The following ACD variants were observed in gnomAD, a reference collection of about 807,000 sequenced individuals.
ACD encodes adrenocortical dysplasia protein homolog.
A neutral mutation model predicts 53.9 loss-of-function variants in ACD; 39 were observed. The observed-to-expected ratio is 0.72, with a 90% CI of 0.56 to 0.95. The LOEUF (loss-of-function observed/expected upper bound fraction) is 0.95. Among genes scored for constraint, ACD ranks in the 40% least tolerant of loss-of-function variants. The probability of loss-of-function intolerance (pLI) is 0.00; values close to 1 mark genes in which losing one functional copy is unlikely to be tolerated. For synonymous variants in ACD, 273 were observed against 249.2 expected (o/e 1.10, Z -0.90); for missense variants, 526 against 587.9 (o/e 0.89, Z 1.09).
At position 67,659,585 on chromosome 16, in the gene ACD, C is replaced by A. The variant is rs778255734; in HGVS notation, c.365G>T (p.Arg122Leu). ...APAEFYLQVD[R>L]FSLLPTEQPR... Reference sequence around the variant, plus strand: ...CTGCTCCGTGGGCAGCAGGCTGAAGCGGTCCACCTGGAGATAGAACTCTGC... The same window carrying A: ...CTGCTCCGTGGGCAGCAGGCTGAAGAGGTCCACCTGGAGATAGAACTCTGC... The change falls in exon 4 of 12, where the codon CGC becomes CTC. Residue 122 changes from arginine (R) to leucine (L), a missense_variant. Transcript: ENST00000620761. 3 of 1,613,484 alleles carry A rather than the reference C, an allele frequency of 1.9e-6. No homozygotes were observed. The highest frequency in any genetic ancestry group is 2.5e-6 in the Non-Finnish European group (3 of 1,179,938).
intron 1 of ACD, 24 bp downstream of exon 1, chr16:67,660,098 T>G: frequency 1.2e-6 from 2 of 1,612,042 alleles, no homozygotes; most frequent in Non-Finnish European, 1.7e-6. Context: ...CGCCTCGGTC[T>G]CCGGGCCCTG....
Position 67,660,024 on chromosome 16 carries a change from C to A in ACD, c.121G>T (p.Ala41Ser), listed in dbSNP as rs1395806409. The change falls in exon 2 of 12, where the codon GCG becomes TCG. Residue 41 changes from alanine (A) to serine (S), a missense_variant. Coordinates refer to ENST00000620761, the MANE Select transcript of ACD (RefSeq NM_001082486.2). ...LLEVLQDAEA[A>S]VAGPSHAPDT... ...GGGGCGTGGGATGGGCCCGCGACCG[C>A]GGCCTCGGCGTCCTGTAGTACCTGA... 1.2e-6 allele frequency: 2 copies of A among 1,606,206 alleles called. No individual in the cohort carries two copies.
At position 67,658,301 on chromosome 16, in the gene ACD, C is replaced by T. The variant is rs1459307216; in HGVS notation, c.891G>A (p.Leu297=). 13 of 1,613,826 alleles carry T rather than the reference C, an allele frequency of 8.1e-6. No homozygotes were observed. Among genetic ancestry groups the T allele is most frequent in the African/African-American group, 2.7e-5 (2 of 75,042 alleles). The change falls in exon 10 of 12, where the codon CTG becomes CTA. Residue 297 remains leucine (L), a synonymous_variant. Transcript: ENST00000620761. The part of the protein sequence containing the change: ...SEESGTSISL[L]PALSLAAPDP... ...CTGGAGCAGCCAAGGACAGGGCAGG[C>T]AGAAGGCTGATGCTGGTACCACTTT...
intron 7 of ACD, 38 bp downstream of exon 7, chr16:67,658,890 C>A (rs144445048): frequency 6.2e-7 from 1 of 1,607,386 alleles, no homozygotes; most frequent in Non-Finnish European, 8.5e-7. Context: ...TGCCCAACTC[C>A]TCACCCTGAC....
chr16:67,659,395 T>C lies in ACD; in HGVS notation c.438A>G (p.Lys146=), dbSNP rs753936561. ...CTCACTCAAGGCAGTCATAGAGCTTTTTCTGAACATCTAAGTCTTGGTTGC... is the reference window on the plus strand; with the variant it reads ...CTCACTCAAGGCAGTCATAGAGCTTCTTCTGAACATCTAAGTCTTGGTTGC... ...PGCNQDLDVQ[K]KLYDCLEEHL... is the part of the protein sequence containing the mutation. The change falls in exon 5 of 12, where the codon AAA becomes AAG. Residue 146 remains lysine (K), a synonymous_variant. Transcript: ENST00000620761. 1.2e-6 allele frequency: 2 copies of C among 1,613,982 alleles called. No individual in the cohort carries two copies. Among genetic ancestry groups the C allele is most frequent in the Non-Finnish European group, 1.7e-6 (2 of 1,180,004 alleles).
Position 67,658,574 on chromosome 16 carries a change from AG to A in ACD, c.809del (p.Pro270LeufsTer57). The stretch of plus-strand genomic sequence containing the variant: ...CCTCACCTGAGGAACTGGGTGAGGA[AG>A]GAGGAGAGGCTATGAGGGTCAGAGA... ...DLSLTLIASPPSSPSSSGTPA... is the reference protein window; with the variant it reads ...DLSLTLIASPXSSPSSSGTPA... On this transcript the variant is annotated frameshift_variant, in exon 9 of 12. Coordinates refer to ENST00000620761, the MANE Select transcript of ACD (RefSeq NM_001082486.2). LOFTEE classifies it high-confidence loss of function. 6.4e-7 allele frequency: 1 copy of A among 1,569,952 alleles called. No individual in the cohort carries two copies. The highest frequency in any genetic ancestry group is 1.8e-5 in the Admixed American group (1 of 55,886).
chr16:67,658,518 G>A, intron 9 of ACD, 37 bp downstream of exon 9: 1 of 1,569,154 alleles, frequency 6.4e-7, no homozygotes, highest in Non-Finnish European at 8.7e-7. Context: ...TGACTGACAG[G>A]CGGCAGTGAG....
At position 67,657,821 on chromosome 16, in the gene ACD, G is replaced by A. The variant is rs755330502; in HGVS notation, c.1239C>T (p.Ala413=). The change falls in exon 11 of 12, where the codon GCC becomes GCT. Residue 413 remains alanine, a synonymous_variant. Transcript: ENST00000620761. This position sits in a 1 kb window ranked among gnomAD's most constrained non-coding sequence, Gnocchi z 4.5. ...AGGGTGGCTCATACTCATACTGGAAGGCAGAACCATCACGATGCCTCTTTG... is the reference window on the plus strand; with the variant it reads ...AGGGTGGCTCATACTCATACTGGAAAGCAGAACCATCACGATGCCTCTTTG... ...EPPKRHRDGS[A]FQYEYEPPCT... is the part of the protein sequence containing the mutation. 1 of 1,614,140 alleles carries A rather than the reference G, an allele frequency of 6.2e-7. No homozygotes were observed. The highest frequency in any genetic ancestry group is 1.1e-5 in the South Asian group (1 of 91,090).
rs2142968964 is a variant in ACD at position 67,658,376 on chromosome 16, G to A, written c.830-14C>T. The A allele has an allele frequency of 6.2e-7, 1 of 1,613,410 alleles. No homozygotes were observed. Among genetic ancestry groups the A allele is most frequent in the Non-Finnish European group, 8.5e-7 (1 of 1,179,872 alleles). ...AGGCCGGGGTTCCTGAGGAGGAGGGGACTTATTGTAGGCACAGCCCTCTCC... is the reference window on the plus strand; with the variant it reads ...AGGCCGGGGTTCCTGAGGAGGAGGGAACTTATTGTAGGCACAGCCCTCTCC... On this transcript the variant is annotated splice_polypyrimidine_tract_variant and intron_variant, in intron 9 of 11. Transcript: ENST00000620761.
At position 67,659,383 on chromosome 16, in the gene ACD, G is replaced by A; in HGVS notation, c.450C>T (p.Asp150=). 1.9e-6 allele frequency: 3 copies of A among 1,614,062 alleles called. No homozygotes were observed. Among genetic ancestry groups the A allele is most frequent in the Non-Finnish European group, 8.5e-7 (1 of 1,180,024 alleles). Residue 150 remains aspartate (D), a synonymous_variant, in exon 5 of 12, where the codon GAC becomes GAT. Coordinates refer to ENST00000620761, the MANE Select transcript of ACD (RefSeq NM_001082486.2). ...QDLDVQKKLY[D]CLEEHLSEST... ...CCCAACCCCAGACTCACTCAAGGCA[G>A]TCATAGAGCTTTTTCTGAACATCTA...
In ACD at chr16:67,657,643, A is replaced by G; in HGVS notation, c.1340T>C (p.Met447Thr). ...QLMAWALHFL[M>T]DAQPGSEPTP... ...TGGCTCAGACCCTGGCTGTGCATCC[A>G]TCAGAAAGTGCAAGGCCCAGGCCAT... The change falls in exon 12 of 12, where the codon ATG (methionine) becomes ACG (threonine). Residue 447 changes from methionine to threonine, a missense_variant. By Grantham distance (81) the Met-to-Thr change is moderately conservative. Coordinates refer to ENST00000620761, the MANE Select transcript of ACD (RefSeq NM_001082486.2). This position sits in a 1 kb window ranked among gnomAD's most constrained non-coding sequence, Gnocchi z 4.5. 2 of 1,614,182 alleles carry G rather than the reference A, an allele frequency of 1.2e-6. No individual in the cohort carries two copies. The highest frequency in any genetic ancestry group is 1.7e-6 in the Non-Finnish European group (2 of 1,180,040).
In ACD at chr16:67,659,389, G is replaced by C. The variant is rs151132164; in HGVS notation, c.444C>G (p.Leu148=). The stretch of plus-strand genomic sequence containing the variant: ...CCCAGACTCACTCAAGGCAGTCATA[G>C]AGCTTTTTCTGAACATCTAAGTCTT... The part of the protein sequence containing the change: ...CNQDLDVQKK[L]YDCLEEHLSE... Residue 148 remains leucine, a synonymous_variant, in exon 5 of 12, where the codon CTC becomes CTG. Transcript: ENST00000620761. 1.9e-6 allele frequency: 3 copies of C among 1,613,936 alleles called. No homozygotes were observed. In the African/African-American group the frequency reaches 4.0e-5, roughly 22 times the overall value.
Position 67,658,290 on chromosome 16 carries a change from G to T in ACD, c.902C>A (p.Ser301Tyr). ...CTGCCCTGGGTCTGGAGCAGCCAAG[G>T]ACAGGGCAGGCAGAAGGCTGATGCT... is the stretch of plus-strand genomic sequence containing the variant. ...GTSISLLPAL[S>Y]LAAPDPGQRS... The change falls in exon 10 of 12, where the codon TCC becomes TAC. Residue 301 changes from serine (S) to tyrosine (Y), a missense_variant. Coordinates refer to ENST00000620761, the MANE Select transcript of ACD (RefSeq NM_001082486.2). The T allele has an allele frequency of 1.9e-6, 3 of 1,613,862 alleles. No individual in the cohort carries two copies. The highest frequency in any genetic ancestry group is 2.2e-5 in the South Asian group (2 of 91,088).
In ACD at chr16:67,657,616, G is replaced by A; in HGVS notation, c.1367C>T (p.Thr456Ile). Reference sequence around the variant, plus strand: ...GTCCTGCGTGACGTCTCACATCGGAGTTGGCTCAGACCCTGGCTGTGCATC... The same window carrying A: ...GTCCTGCGTGACGTCTCACATCGGAATTGGCTCAGACCCTGGCTGTGCATC... ...LMDAQPGSEPTPM is the reference protein window; with the variant it reads ...LMDAQPGSEPIPM The change falls in exon 12 of 12, where the codon ACT becomes ATT. Residue 456 changes from threonine to isoleucine, a missense_variant. By Grantham distance (89) the Thr-to-Ile change is moderately conservative. Transcript: ENST00000620761. The surrounding 1 kb of genome is among the most constrained non-coding windows in gnomAD (Gnocchi z 4.5). 1 of 1,614,172 alleles carries A rather than the reference G, an allele frequency of 6.2e-7. No individual in the cohort carries two copies. The highest frequency in any genetic ancestry group is 8.5e-7 in the Non-Finnish European group (1 of 1,180,026).
chr16:67,659,821 CG>C (rs771143147), intron 2 of ACD, 26 bp from the exon 3 acceptor site: 3 of 1,593,666 alleles, frequency 1.9e-6, no homozygotes, highest in Non-Finnish European at 2.6e-6. Context: ...TCCTCACTGC[CG>C]GGCCCACCTG....
chr16:67,660,250 G>T lies in ACD; in HGVS notation c.-30C>A, dbSNP rs2052979977. On this transcript the variant is annotated 5_prime_UTR_variant, in exon 1 of 12. Transcript: ENST00000620761. The stretch of plus-strand genomic sequence containing the variant: ...ACGGCTACACCCAGCGGATGCAACG[G>T]GCCCGGGTTTCCCGCGGGCGCCCAG... 3 of 1,612,404 alleles carry T rather than the reference G, an allele frequency of 1.9e-6. No individual in the cohort carries two copies. The highest frequency in any genetic ancestry group is 2.5e-6 in the Non-Finnish European group (3 of 1,179,890).
chr16:67,658,955 G>C lies in ACD; in HGVS notation c.618C>G (p.His206Gln), dbSNP rs754155392. The change falls in exon 7 of 12, where the codon CAC (histidine) becomes CAG (glutamine). Residue 206 changes from histidine (H) to glutamine (Q), a missense_variant. His to Gln is a conservative substitution (Grantham distance 24). Coordinates refer to ENST00000620761, the MANE Select transcript of ACD (RefSeq NM_001082486.2). The part of the protein sequence containing the change: ...EGPCTAPPVT[H>Q]WAASRCKATG... Reference sequence around the variant, plus strand: ...TGGCCTTGCATCGTGAGGCAGCCCAGTGGGTGACAGGGGGTGCTGTGCAAG... The same window carrying C: ...TGGCCTTGCATCGTGAGGCAGCCCACTGGGTGACAGGGGGTGCTGTGCAAG... 1 of 1,613,914 alleles carries C rather than the reference G, an allele frequency of 6.2e-7. No homozygotes were observed. Among genetic ancestry groups the C allele is most frequent in the Admixed American group, 1.7e-5 (1 of 60,020 alleles).
At chr16:67,658,858 A>G in intron 7 of ACD, 42 bp from the exon 8 acceptor site, 1 of 1,601,276 alleles carries the variant, frequency 6.2e-7, no homozygotes, top group Non-Finnish European at 8.5e-7. Flanking sequence ...GTTTACTCTC[A>G]TGTCCTGTGG....
Position 67,657,560 on chromosome 16 carries a change from C to CTCAAAGGAAGCAGAGTGTGGA in ACD, c.*25_*45dup. 1 of 1,613,990 alleles carries CTCAAAGGAAGCAGAGTGTGGA rather than the reference C, an allele frequency of 6.2e-7. No individual in the cohort carries two copies. Among genetic ancestry groups the CTCAAAGGAAGCAGAGTGTGGA allele is most frequent in the Non-Finnish European group, 8.5e-7 (1 of 1,179,878 alleles). On this transcript the variant is annotated 3_prime_UTR_variant, in exon 12 of 12. Transcript: ENST00000620761. This position sits in a 1 kb window ranked among gnomAD's most constrained non-coding sequence, Gnocchi z 4.5. ...CGCATGAGATTATTTTATTAAAAAACTCAAAGGAAGCAGAGTGTGGAGCGG... is the reference window on the plus strand; with the variant it reads ...CGCATGAGATTATTTTATTAAAAAACTCAAAGGAAGCAGAGTGTGGATCAAAGGAAGCAGAGTGTGGAGCGG...
Sources: gnomAD v4.1 joint callset for allele counts on GRCh38, gnomAD v4.1.1 for gene constraint, Gnocchi (gnomAD v3.1) non-coding constraint, MANE v1.5 for transcripts, NCBI Gene and HGNC (gene_info 2026-07-23, HGNC 2026-07-21) for gene names.